Variants in SVIL observed in about 807,000 individuals in gnomAD.
SVIL encodes the protein archvillin.
A neutral mutation model predicts 240.4 loss-of-function variants in SVIL; 101 were observed. The ratio of observed to expected loss-of-function variants is 0.42; its 90% CI spans 0.36 to 0.50. The LOEUF is 0.50. SVIL is among the 20% of genes least tolerant of loss of function. The probability of loss-of-function intolerance (pLI) is 0.01; values close to 1 mark genes in which losing one functional copy is unlikely to be tolerated. For synonymous variants in SVIL, 999 were observed against 1,100.0 expected, an observed-to-expected ratio of 0.91 and a Z score of 1.82; for missense variants, 2,512 against 2,818.7, an observed-to-expected ratio of 0.89 and a Z score of 2.46.
chr10:29,572,265 TCATTA>T (rs1955459867), intron 1 of SVIL, among the ~76,000 whole-genome samples: 1 of 152,118 alleles, frequency 6.6e-6, no homozygotes, highest in East Asian at 1.9e-4. Context: ...TTCTCTAAAC[TCATTA>T]CATTATAGTC....
At chr10:29,643,910 G>A (rs1354012156) in intron 3 of SVIL, 4 of 493,024 alleles carry the variant, frequency 8.1e-6, no homozygotes, top group African/African-American at 7.8e-5. Flanking sequence ...ATGTGAACTT[G>A]CCAGGGGTGA....
chr10:29,620,494 T>TA (rs370144338), intron 1 of SVIL, among the ~76,000 whole-genome samples: 62 of 152,346 alleles, frequency 4.1e-4, no homozygotes, highest in African/African-American at 1.5e-3. Context: ...GCGGTTATTT[T>TA]AAAAACGTTC....
intron 1 of SVIL, among the ~76,000 whole-genome samples, chr10:29,574,295 G>A (rs908290175): frequency 1.3e-5 from 2 of 152,230 alleles, no homozygotes; most frequent in African/African-American, 4.8e-5. Flanking sequence ...GTGCCTGGGA[G>A]AGGCTGAGGG....
Position 29,486,174 on chromosome 10 carries a change from A to C in SVIL, c.4690T>G (p.Cys1564Gly), listed in dbSNP as rs909263128. 1 of 1,614,208 alleles carries C rather than the reference A, an allele frequency of 6.2e-7. No homozygotes were observed. Among genetic ancestry groups the C allele is most frequent in the African/African-American group, 1.3e-5 (1 of 75,064 alleles). The change falls in exon 26 of 38, where the codon TGC (cysteine) becomes GGC (glycine). Residue 1564 changes from cysteine to glycine, a missense_variant. Physicochemically the swap from Cys to Gly is radical, Grantham distance 159. This residue lies in a region of SVIL where 797 missense variants were observed against 925.3 expected (regional missense o/e 0.86). Coordinates refer to ENST00000355867, the MANE Select transcript of SVIL (RefSeq NM_021738.3). The stretch of plus-strand genomic sequence containing the variant: ...TTGTCATCCATGAGACGGTAAATGC[A>C]GTTAGTTTCTATTATGGCTGCTTCA... ...LYEAAIIETNCIYRLMDDKLV... is the reference protein window; with the variant it reads ...LYEAAIIETNGIYRLMDDKLV...
At chr10:29,540,576 G>A (rs960521357) in intron 6 of SVIL, among the ~76,000 whole-genome samples, 1 of 152,210 alleles carries the variant, frequency 6.6e-6, no homozygotes, top group African/African-American at 2.4e-5. Flanking sequence ...CCCCCAGCAT[G>A]CACCTTCCTT....
At chr10:29,696,954 CG>C (rs1962099078) in intron 1 of SVIL, among the ~76,000 whole-genome samples, 1 of 143,892 alleles carries the variant, frequency 6.9e-6, no homozygotes, top group Non-Finnish European at 1.5e-5. Flanking sequence ...ACGCCCCGTC[CG>C]GGAGGGAGGT....
At chr10:29,545,068 G>A (rs1253589135) in intron 6 of SVIL, 5 of 534,486 alleles carry the variant, frequency 9.4e-6, no homozygotes, top group African/African-American at 1.9e-5. Flanking sequence ...TAGTGGACAC[G>A]AGAGCGTGGA....
rs375060005 is a variant in SVIL, at chr10:29,523,799, C to T, written c.2815G>A (p.Glu939Lys). 4.2e-5 allele frequency: 67 copies of T among 1,614,080 alleles called. No individual in the cohort carries two copies. The highest frequency in any genetic ancestry group is 2.2e-4 in the South Asian group (20 of 91,086). The part of the protein sequence containing the change: ...QAWQPLVEGS[E>K]NKGMLREYGE... ...TATTCTCTCAACATTCCCTTGTTCTCGCTACCCTCTACCAAAGGCTGCCAA... is the reference window on the plus strand; with the variant it reads ...TATTCTCTCAACATTCCCTTGTTCTTGCTACCCTCTACCAAAGGCTGCCAA... Residue 939 changes from glutamate (E) to lysine (K), a missense_variant, in exon 15 of 38, where the codon GAG (glutamate) becomes AAG (lysine). Transcript: ENST00000355867.
At chr10:29,622,084 A>G (rs1307668206) in intron 1 of SVIL, among the ~76,000 whole-genome samples, 1 of 151,230 alleles carries the variant, frequency 6.6e-6, no homozygotes, top group Middle Eastern at 3.4e-3. Flanking sequence ...CCCCGTCTCT[A>G]CTAAAAATAC....
Position 29,735,546 on chromosome 10 carries a change from C to A in SVIL, c.-400+205G>T, listed in dbSNP as rs1000963023. 1.5e-4 allele frequency among the ~76,000 whole-genome samples: 23 copies of A among 150,336 alleles called. No homozygotes were observed. Among genetic ancestry groups the A allele is most frequent in the Admixed American group, 1.3e-4 (2 of 15,114 alleles). On this transcript the variant is annotated intron_variant, in intron 1 of 35. Transcript: ENST00000375400. This position sits in a 1 kb window ranked among gnomAD's most constrained non-coding sequence, Gnocchi z 4.1. ...GACCCCGCGGGCCGAGCGCAGCGCC[C>A]CGTCGCAGCGGCCCGGGCACCCGCC...
chr10:29,734,561 C>T (rs1001561568), intron 1 of SVIL, among the ~76,000 whole-genome samples: 6 of 152,176 alleles, frequency 3.9e-5, no homozygotes, highest in African/African-American at 1.4e-4. Flanking sequence ...GAGCCTTCCA[C>T]ATTGTGTAGG....
At chr10:29,482,157 T>C (rs1946954169) in intron 27 of SVIL, among the ~76,000 whole-genome samples, 1 of 151,930 alleles carries the variant, frequency 6.6e-6, no homozygotes, top group Non-Finnish European at 1.5e-5. Flanking sequence ...GCCTTGCAGA[T>C]AGCTGGAACT....
chr10:29,572,174 G>A (rs562203601), intron 1 of SVIL, among the ~76,000 whole-genome samples: 104 of 152,264 alleles, frequency 6.8e-4, no homozygotes, highest in Admixed American at 6.7e-3. Context: ...AGAATTATAT[G>A]CTGAATTAAT....
chr10:29,522,375 G>A (rs781130956), intron 16 of SVIL, 35 bp downstream of exon 16: 12 of 1,606,566 alleles, frequency 7.5e-6, no homozygotes, highest in East Asian at 2.2e-5. Context: ...GCTCCTCCCC[G>A]AGAGAATTAC....
chr10:29,507,467 C>T (rs1949451668), intron 17 of SVIL, among the ~76,000 whole-genome samples: 2 of 151,820 alleles, frequency 1.3e-5, no homozygotes, highest in South Asian at 4.1e-4. Context: ...ATATGAAGAA[C>T]CAATTAAACA....
intron 1 of SVIL, among the ~76,000 whole-genome samples, chr10:29,577,411 C>T (rs536768772): frequency 4.9e-4 from 75 of 152,238 alleles, no homozygotes; most frequent in African/African-American, 1.7e-3. Flanking sequence ...TTAGCTCCCA[C>T]TTATACATGA....
chr10:29,733,431 C>A (rs1335377313), intron 1 of SVIL, among the ~76,000 whole-genome samples: 1 of 152,030 alleles, frequency 6.6e-6, no homozygotes, highest in East Asian at 1.9e-4. Flanking sequence ...CTCAAGCGAT[C>A]CTCCCACCTC....
At chr10:29,733,703 G>T (rs1326226547) in intron 1 of SVIL, among the ~76,000 whole-genome samples, 2 of 152,208 alleles carry the variant, frequency 1.3e-5, no homozygotes, top group Non-Finnish European at 2.9e-5. Flanking sequence ...ACCGAACCCA[G>T]CCATTCTTCC....
At chr10:29,718,897 G>A (rs1161386049) in intron 1 of SVIL, among the ~76,000 whole-genome samples, 1 of 152,116 alleles carries the variant, frequency 6.6e-6, no homozygotes, top group Non-Finnish European at 1.5e-5. Flanking sequence ...TTTACCTGAG[G>A]TCGAGAGTTT....
Sources: gnomAD v4.1 joint callset for allele counts (sites outside exome capture counted in the v4.1 genomes callset) on GRCh38, gnomAD v4.1.1 for gene constraint, gnomAD v4.1.1 regional missense constraint, Gnocchi (gnomAD v3.1) non-coding constraint, MANE v1.5 for transcripts, NCBI Gene and HGNC (gene_info 2026-07-23, HGNC 2026-07-21) for gene names.